Variants in MDGA2 observed in about 807,000 individuals in gnomAD.
The protein encoded by MDGA2 is MAM domain containing glycosylphosphatidylinositol anchor 2.
Under a neutral mutation model 117.8 loss-of-function variants are expected in MDGA2, and 40 were observed. That is an observed-to-expected ratio of 0.34 (90% CI 0.26 to 0.44). MDGA2 has a LOEUF of 0.44. Among genes scored for constraint, MDGA2 ranks in the 20% least tolerant of loss-of-function variants. The probability of loss-of-function intolerance (pLI) is 1.00; values close to 1 mark genes in which losing one functional copy is unlikely to be tolerated. For missense variants in MDGA2, 1,123 were observed against 1,250.6 expected, an observed-to-expected ratio of 0.90 and a Z score of 1.54; for synonymous variants, 452 against 439.0, an observed-to-expected ratio of 1.03 and a Z score of -0.37.
At chr14:47,458,939 T>C (rs1490639629) in intron 1 of MDGA2, among the ~76,000 whole-genome samples, 1 of 150,166 alleles carries the variant, frequency 6.7e-6, no homozygotes, top group Non-Finnish European at 1.5e-5. Context: ...ATTTATCTAG[T>C]ATGGTTCTGT....
In MDGA2 at chr14:46,944,088, T is replaced by A. The variant is rs974587156; in HGVS notation, c.2089+13286A>T. ...AATCCTCTTCATTTATTTTTATAGATCCTGGTCTTCACTGATAGCCTTTCC... is the reference window on the plus strand; with the variant it reads ...AATCCTCTTCATTTATTTTTATAGAACCTGGTCTTCACTGATAGCCTTTCC... On this transcript the variant is annotated intron_variant, in intron 9 of 16. Transcript: ENST00000399232. Among the ~76,000 whole-genome samples the A allele has an allele frequency of 4.6e-5, 7 of 152,190 alleles. No homozygotes were observed. In the East Asian group the frequency reaches 1.3e-3, roughly 29 times the overall value.
At chr14:47,081,154 T>A (rs1406519711) in intron 6 of MDGA2, among the ~76,000 whole-genome samples, 1 of 152,108 alleles carries the variant, frequency 6.6e-6, no homozygotes, top group Non-Finnish European at 1.5e-5. Context: ...AAAAAATATT[T>A]AAAATAGTAT....
At chr14:47,626,209 A>T (rs1594950182) in intron 1 of MDGA2, 1 of 152,166 alleles carries the variant, frequency 6.6e-6, no homozygotes, top group East Asian at 1.9e-4. Context: ...TTTTGTTTTG[A>T]TTTTTTGGTT....
At chr14:46,945,603 A>G (rs894283979) in intron 9 of MDGA2, among the ~76,000 whole-genome samples, 2 of 152,026 alleles carry the variant, frequency 1.3e-5, no homozygotes. Flanking sequence ...TGTCCTGCAG[A>G]TAGATGCTTT....
chr14:47,326,597 T>C (rs1326285405), intron 1 of MDGA2, among the ~76,000 whole-genome samples: 2 of 152,040 alleles, frequency 1.3e-5, no homozygotes, highest in Non-Finnish European at 2.9e-5. Context: ...TTTTATTCCT[T>C]CTCAAGTCAC....
intron 15 of MDGA2, among the ~76,000 whole-genome samples, chr14:46,854,296 T>A (rs567322630): frequency 7.9e-4 from 120 of 151,770 alleles, no homozygotes; most frequent in Middle Eastern, 3.4e-3. Context: ...TGTCATAGAC[T>A]TTGAAGATAT....
intron 8 of MDGA2, among the ~76,000 whole-genome samples, chr14:46,992,414 T>G (rs1418115585): frequency 6.6e-6 from 1 of 151,802 alleles, no homozygotes; most frequent in East Asian, 1.9e-4. Flanking sequence ...TTTGAACAAT[T>G]TTTTTTTAAA....
chr14:47,363,663 C>A (rs113634899), intron 1 of MDGA2, among the ~76,000 whole-genome samples: 95 of 152,000 alleles, frequency 6.3e-4, no homozygotes, highest in African/African-American at 2.2e-3. Flanking sequence ...GATTGGTAAT[C>A]ATTTACTTTC....
intron 1 of MDGA2, among the ~76,000 whole-genome samples, chr14:47,631,062 C>A (rs1048030850): frequency 5.9e-5 from 9 of 152,170 alleles, no homozygotes; most frequent in Non-Finnish European, 8.8e-5. Flanking sequence ...CTTAATAGTT[C>A]TCAACCATGG....
At chr14:46,992,828 T>C (rs974400939) in intron 8 of MDGA2, among the ~76,000 whole-genome samples, 1 of 152,184 alleles carries the variant, frequency 6.6e-6, no homozygotes, top group African/African-American at 2.4e-5. Context: ...AAAAATAGCA[T>C]CCATGTCTCC....
Position 46,937,492 on chromosome 14 carries a change from A to G in MDGA2, c.2090-17332T>C, listed in dbSNP as rs140658081. ...TAAAATTTGCATGGAACCACAAAAG[A>G]TTCTAAATAGCCAAAACAATCTTGA... On this transcript the variant is annotated intron_variant, in intron 9 of 16. Coordinates refer to ENST00000399232, the MANE Select transcript of MDGA2 (RefSeq NM_001113498.3). Among the ~76,000 whole-genome samples, 110 of 152,290 alleles carry G rather than the reference A, an allele frequency of 7.2e-4. 2 individuals are homozygous for G. Among genetic ancestry groups the G allele is most frequent in the South Asian group, 1.5e-3 (7 of 4,822 alleles).
At chr14:47,508,773 G>A (rs569814002) in intron 1 of MDGA2, among the ~76,000 whole-genome samples, 2 of 152,026 alleles carry the variant, frequency 1.3e-5, no homozygotes, top group Non-Finnish European at 2.9e-5. Flanking sequence ...TCCGCCTCCC[G>A]GGTTCATGCC....
intron 1 of MDGA2, among the ~76,000 whole-genome samples, chr14:47,573,012 A>C (rs960268198): frequency 1.3e-5 from 2 of 152,204 alleles, no homozygotes; most frequent in African/African-American, 4.8e-5. Flanking sequence ...GAAACAGACA[A>C]TCTAATTCAT....
intron 1 of MDGA2, among the ~76,000 whole-genome samples, chr14:47,387,019 TA>T (rs992119023): frequency 2.1e-4 from 32 of 152,272 alleles, no homozygotes; most frequent in African/African-American, 7.0e-4. Flanking sequence ...ATAATGAATT[TA>T]AAAAAGCACC....
At chr14:47,402,428 A>G (rs1475160055) in intron 1 of MDGA2, among the ~76,000 whole-genome samples, 2 of 151,534 alleles carry the variant, frequency 1.3e-5, no homozygotes, top group African/African-American at 4.9e-5. Flanking sequence ...CTTATTTGCT[A>G]CAATCAGAAG....
intron 1 of MDGA2, among the ~76,000 whole-genome samples, chr14:47,474,172 T>A (rs182837821): frequency 1.1e-3 from 160 of 152,198 alleles, no homozygotes; most frequent in Non-Finnish European, 5.3e-4. Flanking sequence ...ATCACTAGCA[T>A]TCCTATACAC....
At position 47,101,098 on chromosome 14, in the gene MDGA2, T is replaced by C. The variant is rs559418233; in HGVS notation, c.926-3975A>G. Among the ~76,000 whole-genome samples, 231 of 123,480 alleles carry C rather than the reference T, an allele frequency of 1.9e-3. 1 individual carries two copies. The highest frequency in any genetic ancestry group is 3.0e-3 in the Non-Finnish European group (170 of 57,552). The allele number at this position is 123,480 out of a possible 152,430, so 81.0% of individuals were successfully genotyped here. A position where few individuals can be genotyped will look rare whatever the true frequency, so the allele number is the denominator to read the frequency against. On this transcript the variant is annotated intron_variant, in intron 5 of 16. Coordinates refer to ENST00000399232, the MANE Select transcript of MDGA2 (RefSeq NM_001113498.3). ...GACGATAGATAGATAGATAGATAGA[T>C]AGATAGATAGATAGATAGATAGATA...
chr14:47,442,743 G>C (rs904162601), intron 1 of MDGA2, among the ~76,000 whole-genome samples: 1 of 152,002 alleles, frequency 6.6e-6, no homozygotes, highest in Admixed American at 6.6e-5. Context: ...TCGAGCCCCC[G>C]CTTATCCAAA....
chr14:47,473,218 C>G (rs1893765762), intron 1 of MDGA2, among the ~76,000 whole-genome samples: 1 of 152,146 alleles, frequency 6.6e-6, no homozygotes, highest in Admixed American at 6.6e-5. Flanking sequence ...CTGGCTCAGT[C>G]CATTGGCAGC....
Sources: allele counts gnomAD v4.1 joint callset (sites outside exome capture counted in the v4.1 genomes callset), GRCh38; gene constraint gnomAD v4.1.1; transcripts MANE v1.5; gene names NCBI Gene and HGNC (gene_info 2026-07-23, HGNC 2026-07-21).